Variants in TMEM163 observed in about 807,000 individuals in gnomAD.
TMEM163 encodes the protein transmembrane protein 163.
A neutral mutation model predicts 29.3 loss-of-function variants in TMEM163; 17 were observed. That is an observed-to-expected ratio of 0.58 (90% CI 0.40 to 0.87). The LOEUF is 0.87. Ranked by LOEUF, TMEM163 falls within the 40% of genes least tolerant of loss-of-function variation. The probability of loss-of-function intolerance (pLI) is 0.00; values close to 1 mark genes in which losing one functional copy is unlikely to be tolerated. For missense variants in TMEM163, 303 were observed against 381.5 expected (o/e 0.79, Z 1.71); for synonymous variants, 157 against 160.6 (o/e 0.98, Z 0.17).
intron 2 of TMEM163, among the ~76,000 whole-genome samples, chr2:134,684,922 CAAAAAAA>C (rs56956631): frequency 6.7e-5 from 5 of 74,814 alleles, no homozygotes; most frequent in African/African-American, 1.8e-4. Context: ...GACCCTGTCT[CAAAAAAA>C]AAAAAAAAAA....
rs548838704 is a variant in TMEM163 at position 134,714,857 on chromosome 2, C to A, written c.203-1538G>T. Reference sequence around the variant, plus strand: ...TAATTTAAATAAAAATATAGCATGTCCCTTTGTCTATATCTTCCTTAGCTG... The same window carrying A: ...TAATTTAAATAAAAATATAGCATGTACCTTTGTCTATATCTTCCTTAGCTG... On this transcript the variant is annotated intron_variant, in intron 1 of 7. Coordinates refer to ENST00000281924, the MANE Select transcript of TMEM163 (RefSeq NM_030923.5). 2.6e-5 allele frequency among the ~76,000 whole-genome samples: 4 copies of A among 152,274 alleles called. No individual in the cohort carries two copies. In the East Asian group the frequency reaches 7.7e-4, roughly 29 times the overall value.
intron 2 of TMEM163, among the ~76,000 whole-genome samples, chr2:134,625,830 G>A (rs1682836507): frequency 6.6e-6 from 1 of 152,186 alleles, no homozygotes; most frequent in African/African-American, 2.4e-5. Context: ...AGAGTCAGCT[G>A]TAGGGGCAGC....
At chr2:134,527,278 CAT>C (rs1442561156) in intron 4 of TMEM163, among the ~76,000 whole-genome samples, 2 of 151,896 alleles carry the variant, frequency 1.3e-5, no homozygotes, top group East Asian at 1.9e-4. Context: ...TACATACATG[CAT>C]ATGTGTTTAT....
intron 6 of TMEM163, among the ~76,000 whole-genome samples, chr2:134,461,982 G>C (rs554498649): frequency 2.6e-5 from 4 of 152,318 alleles, no homozygotes; most frequent in African/African-American, 9.6e-5. Context: ...TCGCTCCCTA[G>C]TTCTGCTAAT....
intron 2 of TMEM163, among the ~76,000 whole-genome samples, chr2:134,606,782 A>C (rs1682378409): frequency 6.6e-6 from 1 of 152,218 alleles, no homozygotes; most frequent in Admixed American, 6.5e-5. Context: ...GTCACAAAGA[A>C]TTCAGGGAAG....
At chr2:134,550,795 C>T (rs747441007) in intron 3 of TMEM163, 134 bp from the exon 4 acceptor site, 16 of 816,738 alleles carry the variant, frequency 2.0e-5, no homozygotes, top group Admixed American at 1.1e-4. Flanking sequence ...CCCATCATTA[C>T]GACGCAGCCA....
At chr2:134,472,578 G>A (rs907928435) in intron 5 of TMEM163, among the ~76,000 whole-genome samples, 1 of 152,190 alleles carries the variant, frequency 6.6e-6, no homozygotes, top group African/African-American at 2.4e-5. Flanking sequence ...CTTTGAGCAA[G>A]CCACCCACTT....
At chr2:134,485,465 G>A (rs1003666282) in intron 5 of TMEM163, among the ~76,000 whole-genome samples, 2 of 152,152 alleles carry the variant, frequency 1.3e-5, no homozygotes, top group African/African-American at 4.8e-5. Flanking sequence ...ACAAGGAGTC[G>A]GCTTGTATGA....
chr2:134,561,105 G>T (rs1228404055), intron 2 of TMEM163, among the ~76,000 whole-genome samples: 1 of 152,248 alleles, frequency 6.6e-6, no homozygotes, highest in African/African-American at 2.4e-5. Flanking sequence ...CGTCTCCGCC[G>T]TCTCCGATGG....
rs1182357146 is a variant in TMEM163, at chr2:134,456,101, T to G, written c.*615A>C. 6.5e-6 allele frequency: 1 copy of G among 152,748 alleles called. No homozygotes were observed. Among genetic ancestry groups the G allele is most frequent in the African/African-American group, 2.4e-5 (1 of 41,462 alleles). The allele number at this position is 152,748 out of a possible 1,614,324, so 9.5% of individuals were successfully genotyped here. A position where few individuals can be genotyped will look rare whatever the true frequency, so the allele number is the denominator to read the frequency against. On this transcript the variant is annotated 3_prime_UTR_variant, in exon 8 of 8. Coordinates refer to ENST00000281924, the MANE Select transcript of TMEM163 (RefSeq NM_030923.5). ...ATGTACAAGAAAAGGTCAATGTGCT[T>G]ATTTAATTCGTCCATGCAAAGCTTA...
intron 2 of TMEM163, among the ~76,000 whole-genome samples, chr2:134,667,170 A>C (rs992873473): frequency 6.6e-6 from 1 of 152,188 alleles, no homozygotes; most frequent in Non-Finnish European, 1.5e-5. Flanking sequence ...GAATAATCAA[A>C]ACCAACATTG....
chr2:134,666,689 ACCT>A, intron 2 of TMEM163, among the ~76,000 whole-genome samples: 2 of 152,026 alleles, frequency 1.3e-5, no homozygotes. Flanking sequence ...CACATTCAAA[ACCT>A]AGTTCCACCA....
At chr2:134,700,673 C>T (rs148882962) in intron 2 of TMEM163, among the ~76,000 whole-genome samples, 131 of 152,096 alleles carry the variant, frequency 8.6e-4, no homozygotes, top group Non-Finnish European at 1.5e-3. Context: ...CTAAGGCGGG[C>T]GGATGACCTG....
chr2:134,572,133 G>A (rs1246812549), intron 2 of TMEM163, among the ~76,000 whole-genome samples: 3 of 152,150 alleles, frequency 2.0e-5, no homozygotes, highest in Non-Finnish European at 2.9e-5. Flanking sequence ...ACATGAAAAA[G>A]AGAACTGAGC....
chr2:134,493,360 G>GTTTTTTTTT (rs1484513661), intron 5 of TMEM163, among the ~76,000 whole-genome samples: 2 of 65,592 alleles, frequency 3.0e-5, no homozygotes, highest in African/African-American at 1.8e-4. Context: ...AGCTTTTGGT[G>GTTTTTTTTT]TCTTTTTTTT....
intron 5 of TMEM163, among the ~76,000 whole-genome samples, chr2:134,470,201 C>T (rs1309217765): frequency 6.6e-6 from 1 of 151,456 alleles, no homozygotes; most frequent in Non-Finnish European, 1.5e-5. Context: ...ACTAAAAATA[C>T]AAAAAATTAG....
intron 4 of TMEM163, among the ~76,000 whole-genome samples, chr2:134,514,040 C>T (rs535909309): frequency 5.9e-5 from 9 of 152,316 alleles, no homozygotes; most frequent in South Asian, 2.1e-4. Flanking sequence ...AAGCATGCCG[C>T]GTCTTTCCAG....
chr2:134,638,729 G>A (rs1350577425), intron 2 of TMEM163, among the ~76,000 whole-genome samples: 3 of 152,162 alleles, frequency 2.0e-5, no homozygotes, highest in African/African-American at 7.2e-5. Flanking sequence ...GGAAAGGAGA[G>A]GGGAGAACCA....
At chr2:134,668,649 A>G (rs1275332661) in intron 2 of TMEM163, among the ~76,000 whole-genome samples, 2 of 151,958 alleles carry the variant, frequency 1.3e-5, no homozygotes, top group African/African-American at 4.8e-5. Flanking sequence ...AGAAAAGAAA[A>G]GAAAAATGGG....
Sources: gnomAD v4.1 joint callset for allele counts (sites outside exome capture counted in the v4.1 genomes callset) on GRCh38, gnomAD v4.1.1 for gene constraint, MANE v1.5 for transcripts, NCBI Gene and HGNC (gene_info 2026-07-23, HGNC 2026-07-21) for gene names.